NLGN1: variants seen among roughly 807,000 people sequenced by gnomAD.
NLGN1 encodes the protein neuroligin-1.
A neutral mutation model predicts 65.5 loss-of-function variants in NLGN1; 12 were observed. The observed-to-expected ratio is 0.18, with a 90% CI of 0.12 to 0.30. The LOEUF (loss-of-function observed/expected upper bound fraction) is 0.30, where lower values mean the gene tolerates loss of function less well. Among genes scored for constraint, NLGN1 ranks in the 10% least tolerant of loss-of-function variants. The pLI is 1.00. For synonymous variants in NLGN1, 350 were observed against 359.5 expected (o/e 0.97, Z 0.30); for missense variants, 750 against 1,007.1 (o/e 0.74, Z 3.46).
chr3:173,786,646 CA>C (rs1330581714), intron 3 of NLGN1, among the ~76,000 whole-genome samples: 2 of 152,060 alleles, frequency 1.3e-5, no homozygotes, highest in Non-Finnish European at 2.9e-5. Flanking sequence ...GTATATGAAT[CA>C]TTCTGGCCTA....
chr3:173,405,374 A>T (rs1718441308), intron 1 of NLGN1, among the ~76,000 whole-genome samples: 1 of 152,028 alleles, frequency 6.6e-6, no homozygotes. Flanking sequence ...TAAGAAGAAT[A>T]CCAACAATTT....
In NLGN1 at chr3:173,628,843, A is replaced by G. The variant is rs191149357; in HGVS notation, c.493+23752A>G. Among the ~76,000 whole-genome samples the G allele has an allele frequency of 3.8e-3, 581 of 151,964 alleles. 3 individuals carry two copies. Among genetic ancestry groups the G allele is most frequent in the Middle Eastern group, 0.017 (5 of 294 alleles). ...CTAACAGCTGGGATTAGAGGCGTGC[A>G]CCACCATGCCCAGCTAATTTTTGTA... On this transcript the variant is annotated intron_variant, in intron 3 of 6. Coordinates refer to ENST00000457714, the Ensembl canonical transcript of NLGN1.
At chr3:173,568,224 C>CTTTCCT (rs201639073) in intron 2 of NLGN1, among the ~76,000 whole-genome samples, 19 of 140,560 alleles carry the variant, frequency 1.4e-4, no homozygotes, top group South Asian at 4.5e-4. Flanking sequence ...TTTTCCTTTC[C>CTTTCCT]TTTCCTTTTC....
At chr3:174,032,575 A>T (rs1202128580) in intron 4 of NLGN1, among the ~76,000 whole-genome samples, 1 of 152,150 alleles carries the variant, frequency 6.6e-6, no homozygotes, top group African/African-American at 2.4e-5. Flanking sequence ...CTACAGCCTG[A>T]GTGTGGACTA....
At chr3:173,944,782 T>C (rs1746852549) in intron 4 of NLGN1, among the ~76,000 whole-genome samples, 2 of 152,212 alleles carry the variant, frequency 1.3e-5, no homozygotes, top group Non-Finnish European at 2.9e-5. Context: ...AACTATGTAA[T>C]TTGTAGACTG....
At chr3:174,132,015 T>C (rs1720304803) in intron 4 of NLGN1, among the ~76,000 whole-genome samples, 1 of 152,200 alleles carries the variant, frequency 6.6e-6, no homozygotes. Context: ...GCCTTGGATA[T>C]AACAGAAAAG....
At chr3:173,862,373 G>C (rs1286703566) in intron 4 of NLGN1, among the ~76,000 whole-genome samples, 1 of 150,446 alleles carries the variant, frequency 6.6e-6, no homozygotes, top group African/African-American at 2.4e-5. Context: ...GGGCGTAGTG[G>C]CGGGCGCCTG....
At chr3:173,456,987 G>C (rs1011047332) in intron 2 of NLGN1, among the ~76,000 whole-genome samples, 1 of 152,016 alleles carries the variant, frequency 6.6e-6, no homozygotes, top group African/African-American at 2.4e-5. Context: ...ACCATGGGAG[G>C]GTGATACCCT....
At chr3:173,989,497 A>G (rs557452365) in intron 4 of NLGN1, among the ~76,000 whole-genome samples, 104 of 152,310 alleles carry the variant, frequency 6.8e-4, no homozygotes, top group African/African-American at 2.4e-3. Flanking sequence ...TAGGATTAAT[A>G]TATTTTTAAA....
intron 4 of NLGN1, among the ~76,000 whole-genome samples, chr3:173,849,675 A>G (rs1419630877): frequency 6.6e-6 from 1 of 152,160 alleles, no homozygotes; most frequent in Non-Finnish European, 1.5e-5. Context: ...AACATAGTGT[A>G]TTATGATGAA....
At chr3:173,523,288 T>G (rs1735073886) in intron 2 of NLGN1, among the ~76,000 whole-genome samples, 1 of 151,792 alleles carries the variant, frequency 6.6e-6, no homozygotes, top group Admixed American at 6.6e-5. Flanking sequence ...TTTTTGTTTT[T>G]GTTGCATTTG....
At chr3:173,769,066 T>G (rs528659672) in intron 3 of NLGN1, among the ~76,000 whole-genome samples, 2 of 152,172 alleles carry the variant, frequency 1.3e-5, no homozygotes, top group East Asian at 1.9e-4. Context: ...CAAATTAACA[T>G]TTTAACCGAC....
intron 2 of NLGN1, among the ~76,000 whole-genome samples, chr3:173,565,128 A>C (rs1165358245): frequency 4.6e-5 from 7 of 152,226 alleles, no homozygotes; most frequent in Non-Finnish European, 1.0e-4. Flanking sequence ...GGGTATGTGC[A>C]GTATAAGGTT....
chr3:173,737,615 A>G (rs902436220), intron 3 of NLGN1, among the ~76,000 whole-genome samples: 2 of 152,098 alleles, frequency 1.3e-5, no homozygotes, highest in African/African-American at 4.8e-5. Context: ...GCACAATAAT[A>G]TTACATTGTA....
chr3:174,289,720 TAAAAC>T (rs1752510348), downstream of NLGN1, among the ~76,000 whole-genome samples: 1 of 150,786 alleles, frequency 6.6e-6, no homozygotes, highest in South Asian at 2.1e-4. Context: ...ATACATAAGA[TAAAAC>T]AAAATATTTT....
intron 3 of NLGN1, among the ~76,000 whole-genome samples, chr3:173,607,724 T>C (rs1751608240): frequency 6.6e-6 from 1 of 151,678 alleles, no homozygotes; most frequent in Admixed American, 6.6e-5. Context: ...ATATACTGCA[T>C]GTGGACTGTG....
At chr3:173,401,389 T>G in intron 1 of NLGN1, among the ~76,000 whole-genome samples, 1 of 148,360 alleles carries the variant, frequency 6.7e-6, no homozygotes, top group Admixed American at 6.6e-5. Context: ...TTTTGTTTTG[T>G]TTTTTGTTTT....
intron 5 of NLGN1, among the ~76,000 whole-genome samples, chr3:174,277,733 A>G (rs1312244544): frequency 6.6e-6 from 1 of 151,936 alleles, no homozygotes; most frequent in African/African-American, 2.4e-5. Flanking sequence ...GGAACATGTT[A>G]CAGACATGTT....
chr3:173,754,968 A>C (rs1283842007), intron 3 of NLGN1, among the ~76,000 whole-genome samples: 1 of 152,128 alleles, frequency 6.6e-6, no homozygotes, highest in Admixed American at 6.6e-5. Flanking sequence ...CTAAAGGTTA[A>C]AGATAGGACT....
Sources: allele counts gnomAD v4.1 joint callset (sites outside exome capture counted in the v4.1 genomes callset), GRCh38; gene constraint gnomAD v4.1.1; transcripts MANE v1.5; gene names NCBI Gene and HGNC (gene_info 2026-07-23, HGNC 2026-07-21).